Variants in RASGRP4 observed in about 807,000 individuals in gnomAD.
The protein encoded by RASGRP4 is RAS guanyl releasing protein 4.
In RASGRP4, 52 loss-of-function variants were observed where a neutral mutation model predicts 84.4. The observed-to-expected ratio is 0.62, with a 90% CI of 0.49 to 0.78. RASGRP4 has a LOEUF of 0.78. Among genes scored for constraint, RASGRP4 ranks in the 30% least tolerant of loss-of-function variants. The pLI, the probability that RASGRP4 is intolerant of heterozygous loss-of-function variation, is 0.00. For missense variants in RASGRP4, 760 were observed against 886.9 expected (o/e 0.86, Z 1.82); for synonymous variants, 356 against 359.1 (o/e 0.99, Z 0.10).
At chr19:38,425,182 TCAAAAAAAAAAAA>T (rs889618998) in intron 1 of RASGRP4, among the ~76,000 whole-genome samples, 3 of 114,248 alleles carry the variant, frequency 2.6e-5, no homozygotes, top group Non-Finnish European at 5.5e-5. Context: ...AGACTCCGTC[TCAAAAAAAAAAAA>T]CAAAAAAAAA....
intron 1 of RASGRP4, 28 bp from the exon 2 acceptor site, chr19:38,422,181 G>A (rs771960656): frequency 6.3e-6 from 10 of 1,581,816 alleles, no homozygotes; most frequent in Non-Finnish European, 8.6e-6. Flanking sequence ...AAGGAGTCAT[G>A]GGAGCACCTT....
chr19:38,413,430 A>G lies in RASGRP4; in HGVS notation c.1275T>C (p.Leu425=), dbSNP rs375855948. 25 of 1,607,362 alleles carry G rather than the reference A, an allele frequency of 1.6e-5. No individual in the cohort carries two copies. Among genetic ancestry groups the G allele is most frequent in the Non-Finnish European group, 2.1e-5 (25 of 1,176,930 alleles). The change falls in exon 10 of 17, where the codon CTT becomes CTC. Residue 425 remains leucine (L), a synonymous_variant. Transcript: ENST00000615439. This position sits in a 1 kb window ranked among gnomAD's most constrained non-coding sequence, Gnocchi z 4.7. ...LFYTEDEIYE[L]SYAREPRCPK... Reference sequence around the variant, plus strand: ...GACAACGCGGCTCCCGGGCATAAGAAAGCTCATAGATCTCGTCTTCCGTGT... The same window carrying G: ...GACAACGCGGCTCCCGGGCATAAGAGAGCTCATAGATCTCGTCTTCCGTGT...
intron 3 of RASGRP4, 30 bp downstream of exon 3, chr19:38,421,065 C>A (rs2145232292): frequency 6.2e-7 from 1 of 1,608,632 alleles, no homozygotes; most frequent in East Asian, 2.2e-5. Context: ...CCTCTGCCCT[C>A]CACCCATAGC....
rs374242940 is a variant in RASGRP4 at position 38,420,304 on chromosome 19, C to T, written c.378-42G>A. 92 of 1,599,408 alleles carry T rather than the reference C, an allele frequency of 5.8e-5. No individual in the cohort carries two copies. In the East Asian group the frequency reaches 5.8e-4, roughly 10 times the overall value. On this transcript the variant is annotated intron_variant, in intron 4 of 16. Coordinates refer to ENST00000615439, the MANE Select transcript of RASGRP4 (RefSeq NM_170604.3). ...GATGGTGAGATGAGGCCGGGGGTGGCGAAGGTCTCTACAAGGGGTATTTTG... is the reference window on the plus strand; with the variant it reads ...GATGGTGAGATGAGGCCGGGGGTGGTGAAGGTCTCTACAAGGGGTATTTTG...
Position 38,413,575 on chromosome 19 carries a change from A to C in RASGRP4, c.1231-101T>G. ...TTCCCAAAGCCCCTCCTGGGTTCAA[A>C]TCCTGGCATTACTGCTGTGGGACAG... On this transcript the variant is annotated intron_variant, in intron 9 of 16. Transcript: ENST00000615439. The surrounding 1 kb of genome is among the most constrained non-coding windows in gnomAD (Gnocchi z 4.7). The C allele has an allele frequency of 1.0e-6, 1 of 971,282 alleles. No homozygotes were observed. The allele number at this position is 971,282 out of a possible 1,614,324, so 60.2% of individuals were successfully genotyped here.
Position 38,410,030 on chromosome 19 carries a change from C to A in RASGRP4, c.*10G>T, listed in dbSNP as rs750431942. ...GAAGGGAGTGAGGAAGAGAGGAGAC[C>A]AAGAGATGTCTAGGAATCCAGCTTG... On this transcript the variant is annotated 3_prime_UTR_variant, in exon 17 of 17. Coordinates refer to ENST00000615439, the MANE Select transcript of RASGRP4 (RefSeq NM_170604.3). 1.2e-6 allele frequency: 2 copies of A among 1,608,972 alleles called. No homozygotes were observed. Among genetic ancestry groups the A allele is most frequent in the Non-Finnish European group, 1.7e-6 (2 of 1,177,220 alleles).
chr19:38,418,592 G>A lies in RASGRP4; in HGVS notation c.664-28C>T. The A allele has an allele frequency of 3.4e-6, 5 of 1,484,052 alleles. No individual in the cohort carries two copies. Among genetic ancestry groups the A allele is most frequent in the Middle Eastern group, 2.5e-4 (1 of 4,060 alleles). 91.9% of individuals were successfully genotyped at this position (1,484,052 alleles called of 1,614,324 possible). On this transcript the variant is annotated intron_variant, in intron 6 of 16. Coordinates refer to ENST00000615439, the MANE Select transcript of RASGRP4 (RefSeq NM_170604.3). The surrounding 1 kb of genome is among the most constrained non-coding windows in gnomAD (Gnocchi z 4.6). ...GGGAGCGAGGTGGGTGTCAAGGTGG[G>A]CCGTGGCGCTCAGGCCCTGCCCTTC...
intron 9 of RASGRP4, 88 bp downstream of exon 9, chr19:38,414,760 A>G (rs1286770880): frequency 5.1e-6 from 7 of 1,364,508 alleles, no homozygotes; most frequent in Non-Finnish European, 6.9e-6. Context: ...GCACTTTTCT[A>G]TCCTGGTCCT....
At position 38,413,552 on chromosome 19, in the gene RASGRP4, C is replaced by T; in HGVS notation, c.1231-78G>A. On this transcript the variant is annotated intron_variant, in intron 9 of 16. Transcript: ENST00000615439. This position sits in a 1 kb window ranked among gnomAD's most constrained non-coding sequence, Gnocchi z 4.7. The stretch of plus-strand genomic sequence containing the variant: ...CCCCCACACCCACTCGCAGGCTCTT[C>T]CCAAAGCCCCTCCTGGGTTCAAATC... The T allele has an allele frequency of 8.2e-7, 1 of 1,213,618 alleles. No individual in the cohort carries two copies. The highest frequency in any genetic ancestry group is 1.2e-6 in the Non-Finnish European group (1 of 843,918). The allele number at this position is 1,213,618 out of a possible 1,614,324, so 75.2% of individuals were successfully genotyped here. A position where few individuals can be genotyped will look rare whatever the true frequency, so the allele number is the denominator to read the frequency against.
chr19:38,409,362 T>A lies in RASGRP4; in HGVS notation c.*678A>T, dbSNP rs1971121135. ...GATAGAAATCCCTGTTCTCCTGGAG[T>A]TGATGCTCCTGTTGAGGAAAGACAG... On this transcript the variant is annotated 3_prime_UTR_variant, in exon 17 of 17. Coordinates refer to ENST00000615439, the MANE Select transcript of RASGRP4 (RefSeq NM_170604.3). 1 of 152,414 alleles carries A rather than the reference T, an allele frequency of 6.6e-6. No homozygotes were observed. Among genetic ancestry groups the A allele is most frequent in the Admixed American group, 6.6e-5 (1 of 15,218 alleles). 9.4% of individuals were successfully genotyped at this position (152,414 alleles called of 1,614,324 possible).
At position 38,418,551 on chromosome 19, in the gene RASGRP4, C is replaced by T. The variant is rs780379476; in HGVS notation, c.677G>A (p.Arg226Gln). The T allele has an allele frequency of 2.6e-6, 4 of 1,530,588 alleles. No homozygotes were observed. Among genetic ancestry groups the T allele is most frequent in the African/African-American group, 1.4e-5 (1 of 72,522 alleles). The allele number at this position is 1,530,588 out of a possible 1,614,324, so 94.8% of individuals were successfully genotyped here. ...SFQAITPQDL[R>Q]SYVLQGSVRG... The stretch of plus-strand genomic sequence containing the variant: ...TACTGAGCCCTGCAAAACGTAGCTC[C>T]GCAGGTCCTGGGGCTGGGAGCGAGG... Residue 226 changes from arginine (R) to glutamine (Q), a missense_variant, in exon 7 of 17, where the codon CGG (arginine) becomes CAG (glutamine). Arg to Gln is a conservative substitution (Grantham distance 43, BLOSUM62 1). Transcript: ENST00000615439. This position sits in a 1 kb window ranked among gnomAD's most constrained non-coding sequence, Gnocchi z 4.6.
rs764497206 is a variant in RASGRP4, at chr19:38,411,264, C to T, written c.1718-15G>A. On this transcript the variant is annotated splice_polypyrimidine_tract_variant and intron_variant, in intron 14 of 16. Transcript: ENST00000615439. ...CAGCCCGCACTCTGGGGGAAGGCAG[C>T]GGCAGGGGTCCGATCTGTGTCATCC... 14 of 1,613,790 alleles carry T rather than the reference C, an allele frequency of 8.7e-6. No individual in the cohort carries two copies. Among genetic ancestry groups the T allele is most frequent in the South Asian group, 1.1e-5 (1 of 91,050 alleles).
Position 38,421,128 on chromosome 19 carries a change from G to A in RASGRP4, c.281C>T (p.Pro94Leu), listed in dbSNP as rs1245755729. The change falls in exon 3 of 17, where the codon CCG (proline) becomes CTG (leucine). Residue 94 changes from proline (P) to leucine (L), a missense_variant. Transcript: ENST00000615439. ...CAGGCGGGCAGCCAGGTCGGCGGACGGCAGCACCCAGCTGTGCATGGCCAG... is the reference window on the plus strand; with the variant it reads ...CAGGCGGGCAGCCAGGTCGGCGGACAGCAGCACCCAGCTGTGCATGGCCAG... ...MVLAMHSWVL[P>L]SADLAARLLT... 9.9e-6 allele frequency: 16 copies of A among 1,613,720 alleles called. No homozygotes were observed. The highest frequency in any genetic ancestry group is 1.3e-5 in the African/African-American group (1 of 74,936).
intron 8 of RASGRP4, among the ~76,000 whole-genome samples, chr19:38,415,951 C>T (rs548250419): frequency 1.3e-5 from 2 of 150,950 alleles, no homozygotes; most frequent in South Asian, 4.2e-4. Flanking sequence ...CCCAGCTACT[C>T]GGGAGTCTGA....
At chr19:38,410,136 T>TG in intron 16 of RASGRP4, 40 bp from the exon 17 acceptor site, 2 of 1,543,854 alleles carry the variant, frequency 1.3e-6, no homozygotes, top group Non-Finnish European at 1.8e-6. Context: ...ACAGATGATG[T>TG]GGGGAGCATA....
chr19:38,413,079 G>T lies in RASGRP4; in HGVS notation c.1417-30C>A, dbSNP rs778403103. 1.3e-6 allele frequency: 2 copies of T among 1,594,630 alleles called. No individual in the cohort carries two copies. Among genetic ancestry groups the T allele is most frequent in the Admixed American group, 1.7e-5 (1 of 59,962 alleles). On this transcript the variant is annotated intron_variant, in intron 11 of 16. Coordinates refer to ENST00000615439, the MANE Select transcript of RASGRP4 (RefSeq NM_170604.3). This position sits in a 1 kb window ranked among gnomAD's most constrained non-coding sequence, Gnocchi z 4.7. ...AGAGGAGTGTGGGGAAGCAGATAAG[G>T]CCCAGTTGTCGAAATATGATCCCCA...
chr19:38,424,619 G>GC (rs762407850), intron 1 of RASGRP4, among the ~76,000 whole-genome samples: 4 of 142,840 alleles, frequency 2.8e-5, no homozygotes, highest in South Asian at 4.9e-4. Flanking sequence ...GTGTCAATGG[G>GC]GGGGGGGGTC....
intron 1 of RASGRP4, 99 bp downstream of exon 1, chr19:38,425,970 G>A: frequency 1.9e-6 from 2 of 1,067,352 alleles, no homozygotes; most frequent in South Asian, 2.9e-5. Context: ...TCCCAAAGAA[G>A]TCAGGAATCC....
intron 8 of RASGRP4, among the ~76,000 whole-genome samples, chr19:38,416,004 A>G (rs1971485445): frequency 6.6e-6 from 1 of 151,074 alleles, no homozygotes; most frequent in Admixed American, 6.6e-5. Context: ...GGCTTCAGTG[A>G]GCCAAGATTT....
Sources: allele counts gnomAD v4.1 joint callset (sites outside exome capture counted in the v4.1 genomes callset), GRCh38; gene constraint gnomAD v4.1.1; non-coding constraint Gnocchi (gnomAD v3.1); transcripts MANE v1.5; gene names NCBI Gene and HGNC (gene_info 2026-07-23, HGNC 2026-07-21).